ESS2: variants seen among roughly 807,000 people sequenced by gnomAD.
The protein encoded by ESS2 is ess-2 spliceosome associated protein, also known as splicing factor ESS-2 homolog.
A neutral mutation model predicts 52.0 loss-of-function variants in ESS2; 31 were observed. The ratio of observed to expected loss-of-function variants is 0.60; its 90% CI spans 0.45 to 0.81. The LOEUF (loss-of-function observed/expected upper bound fraction) is 0.81. ESS2 is among the 30% of genes least tolerant of loss of function. The pLI, the probability that ESS2 is intolerant of heterozygous loss-of-function variation, is 0.00. For synonymous variants in ESS2, 285 were observed against 259.2 expected (o/e 1.10, Z -0.95); for missense variants, 602 against 637.2 (o/e 0.94, Z 0.59).
intron 8 of ESS2, among the ~76,000 whole-genome samples, chr22:19,136,801 A>C (rs953624793): frequency 4.6e-5 from 7 of 151,998 alleles, no homozygotes; most frequent in African/African-American, 1.4e-4. Context: ...TACCTGTACT[A>C]AGTATTCTGG....
chr22:19,135,145 C>A lies in ESS2; in HGVS notation c.1066G>T (p.Gly356Cys). Residue 356 changes from glycine to cysteine, a missense_variant, in exon 9 of 10, where the codon GGT becomes TGT. Gly to Cys is a radical substitution (Grantham distance 159). Transcript: ENST00000252137. ...ILEPGRRERL[G>C]LKMANEAAAK... ...GCGGCCTCGTTGGCCATCTTCAGAC[C>A]CAGCCGCTCCCTGCGGCCTGGCTCC... 1 of 1,613,910 alleles carries A rather than the reference C, an allele frequency of 6.2e-7. No individual in the cohort carries two copies. Among genetic ancestry groups the A allele is most frequent in the Non-Finnish European group, 8.5e-7 (1 of 1,179,826 alleles).
intron 1 of ESS2, among the ~76,000 whole-genome samples, chr22:19,143,763 G>A (rs545615511): frequency 2.0e-5 from 3 of 152,318 alleles, no homozygotes; most frequent in African/African-American, 7.2e-5. Context: ...GGCTGAGGCA[G>A]GAGAATGGCT....
At chr22:19,139,758 CAG>C (rs1192626378) in intron 4 of ESS2, 29 bp from the exon 5 acceptor site, 1 of 1,613,974 alleles carries the variant, frequency 6.2e-7, no homozygotes, top group South Asian at 1.1e-5. Context: ...AAGTGATGGT[CAG>C]AGATGCCCCT....
chr22:19,130,671 G>T lies in ESS2; in HGVS notation c.*3525C>A. ...TTTTGTCGACCCGAGATGGGTCCTG[G>T]CACTAGGAATGTAAAACCGTTCCTA... On this transcript the variant is annotated 3_prime_UTR_variant, in exon 10 of 10. Transcript: ENST00000252137. 1 of 264,238 alleles carries T rather than the reference G, an allele frequency of 3.8e-6. No homozygotes were observed. 16.4% of individuals were successfully genotyped at this position (264,238 alleles called of 1,614,324 possible). A position where few individuals can be genotyped will look rare whatever the true frequency, so the allele number is the denominator to read the frequency against.
At position 19,131,737 on chromosome 22, in the gene ESS2, C is replaced by T; in HGVS notation, c.*2459G>A. ...CAGGGAGCCCTGCATGAGGACGTGG[C>T]ACGCAAGATGTTCCGACAGCTCTCC... On this transcript the variant is annotated 3_prime_UTR_variant, in exon 10 of 10. Coordinates refer to ENST00000252137, the MANE Select transcript of ESS2 (RefSeq NM_022719.3). The surrounding 1 kb of genome is among the most constrained non-coding windows in gnomAD (Gnocchi z 5.7). 1 of 1,614,108 alleles carries T rather than the reference C, an allele frequency of 6.2e-7. No individual in the cohort carries two copies. The highest frequency in any genetic ancestry group is 8.5e-7 in the Non-Finnish European group (1 of 1,179,978).
chr22:19,139,762 GATGCCCCTGGGCATTGTACCC>G (rs2083651292), intron 4 of ESS2, 33 bp from the exon 5 acceptor site: 1 of 1,613,954 alleles, frequency 6.2e-7, no homozygotes, highest in South Asian at 1.1e-5. Context: ...GATGGTCAGA[GATGCCCCTGGGCATTGTACCC>G]ATGGCCCTGG....
chr22:19,135,278 G>A (rs1569106052), intron 8 of ESS2, 103 bp from the exon 9 acceptor site: 3 of 921,326 alleles, frequency 3.3e-6, no homozygotes, highest in Non-Finnish European at 5.0e-6. Flanking sequence ...TCTCTTTGTT[G>A]CCTACAAAAC....
intron 6 of ESS2, among the ~76,000 whole-genome samples, chr22:19,138,758 C>T (rs1409149178): frequency 6.6e-6 from 1 of 152,214 alleles, no homozygotes; most frequent in Non-Finnish European, 1.5e-5. Context: ...ACTCGTCTTG[C>T]TCCCAGACTC....
At chr22:19,141,257 AG>A (rs2083681542) in intron 3 of ESS2, among the ~76,000 whole-genome samples, 1 of 152,224 alleles carries the variant, frequency 6.6e-6, no homozygotes. Context: ...TAAAGCAAAA[AG>A]TATCATGTTT....
chr22:19,138,361 C>T (rs551181157), intron 6 of ESS2, 44 bp from the exon 7 acceptor site: 10 of 1,569,018 alleles, frequency 6.4e-6, no homozygotes, highest in East Asian at 4.5e-5. Flanking sequence ...CCGCAGCCCA[C>T]GCTCGACAGC....
At chr22:19,144,416 G>A (rs983423209) in intron 1 of ESS2, 90 bp downstream of exon 1, 1 of 1,587,284 alleles carries the variant, frequency 6.3e-7, no homozygotes. Context: ...ACGAGGAGAC[G>A]GAGTGTCAAC....
At position 19,135,149 on chromosome 22, in the gene ESS2, C is replaced by A; in HGVS notation, c.1062G>T (p.Arg354=). The change falls in exon 9 of 10, where the codon CGG becomes CGT. Residue 354 remains arginine (R), a synonymous_variant. Coordinates refer to ENST00000252137, the MANE Select transcript of ESS2 (RefSeq NM_022719.3). The stretch of plus-strand genomic sequence containing the variant: ...CCTCGTTGGCCATCTTCAGACCCAG[C>A]CGCTCCCTGCGGCCTGGCTCCAGGA... ...FKILEPGRRE[R]LGLKMANEAA... 1 of 1,613,772 alleles carries A rather than the reference C, an allele frequency of 6.2e-7. No individual in the cohort carries two copies. The highest frequency in any genetic ancestry group is 8.5e-7 in the Non-Finnish European group (1 of 1,179,780).
rs897666956 is a variant in ESS2 at position 19,132,118 on chromosome 22, A to G, written c.*2078T>C. ...CGTGTGGACTTCCCGCGCTCCAAGA[A>G]CCTGACCTGCGAGTGCAAGGACCTC... On this transcript the variant is annotated 3_prime_UTR_variant, in exon 10 of 10. Transcript: ENST00000252137. This position sits in a 1 kb window ranked among gnomAD's most constrained non-coding sequence, Gnocchi z 4.2. 1.2e-6 allele frequency: 2 copies of G among 1,612,550 alleles called. No individual in the cohort carries two copies.
chr22:19,131,137 G>A lies in ESS2; in HGVS notation c.*3059C>T, dbSNP rs544037622. The stretch of plus-strand genomic sequence containing the variant: ...GGCTTCCTTCCAGCGGGCGGGGAGT[G>A]GGTGCTCCTGCCAGACCAGCCTGGC... On this transcript the variant is annotated 3_prime_UTR_variant, in exon 10 of 10. Transcript: ENST00000252137. This position sits in a 1 kb window ranked among gnomAD's most constrained non-coding sequence, Gnocchi z 5.7. 8.5e-4 allele frequency: 374 copies of A among 441,170 alleles called. No homozygotes were observed. The highest frequency in any genetic ancestry group is 1.2e-3 in the Non-Finnish European group (305 of 246,324). The allele number at this position is 441,170 out of a possible 1,614,324, so 27.3% of individuals were successfully genotyped here. A position where few individuals can be genotyped will look rare whatever the true frequency, so the allele number is the denominator to read the frequency against.
chr22:19,142,342 GC>G (rs1173250046), intron 3 of ESS2, among the ~76,000 whole-genome samples, 195 bp downstream of exon 3: 2 of 152,242 alleles, frequency 1.3e-5, no homozygotes, highest in Non-Finnish European at 2.9e-5. Context: ...ACAGAGGCGA[GC>G]CATGTGTGGG....
chr22:19,139,318 C>T, intron 5 of ESS2, 26 bp from the exon 6 acceptor site: 1 of 1,559,290 alleles, frequency 6.4e-7, no homozygotes, highest in Non-Finnish European at 8.7e-7. Flanking sequence ...AAGGTAGCAG[C>T]AGGTGTCAGA....
chr22:19,137,087 C>G (rs1601349834), intron 8 of ESS2, among the ~76,000 whole-genome samples: 1 of 152,282 alleles, frequency 6.6e-6, no homozygotes, highest in East Asian at 1.9e-4. Context: ...CCTCCAGGAT[C>G]CAGAGGGCCC....
Position 19,134,079 on chromosome 22 carries a change from T to G in ESS2, c.*117A>C. 8.1e-7 allele frequency: 1 copy of G among 1,241,908 alleles called. No individual in the cohort carries two copies. Among genetic ancestry groups the G allele is most frequent in the Non-Finnish European group, 1.0e-6 (1 of 958,536 alleles). 76.9% of individuals were successfully genotyped at this position (1,241,908 alleles called of 1,614,324 possible). A position where few individuals can be genotyped will look rare whatever the true frequency, so the allele number is the denominator to read the frequency against. Reference sequence around the variant, plus strand: ...AGCCCCTTTCTCCAGTGACTCCTGGTATGGTCAACAGCTTCTGGCCCAGGC... The same window carrying G: ...AGCCCCTTTCTCCAGTGACTCCTGGGATGGTCAACAGCTTCTGGCCCAGGC... On this transcript the variant is annotated 3_prime_UTR_variant, in exon 10 of 10. Coordinates refer to ENST00000252137, the MANE Select transcript of ESS2 (RefSeq NM_022719.3).
Position 19,139,295 on chromosome 22 carries a change from G to A in ESS2, c.689-3C>T. ...CAGCTGCTCCTCGTCAGGGACACCTGGCAGACGAAGCAAAGGTAGCAGCAG... is the reference window on the plus strand; with the variant it reads ...CAGCTGCTCCTCGTCAGGGACACCTAGCAGACGAAGCAAAGGTAGCAGCAG... On this transcript the variant is annotated splice_region_variant and splice_polypyrimidine_tract_variant and intron_variant, in intron 5 of 9. Coordinates refer to ENST00000252137, the MANE Select transcript of ESS2 (RefSeq NM_022719.3). The A allele has an allele frequency of 5.0e-6, 8 of 1,584,810 alleles. No individual in the cohort carries two copies. The highest frequency in any genetic ancestry group is 6.0e-6 in the Non-Finnish European group (7 of 1,163,976).
Sources: gnomAD v4.1 joint callset for allele counts (sites outside exome capture counted in the v4.1 genomes callset) on GRCh38, gnomAD v4.1.1 for gene constraint, Gnocchi (gnomAD v3.1) non-coding constraint, MANE v1.5 for transcripts, NCBI Gene and HGNC (gene_info 2026-07-23, HGNC 2026-07-21) for gene names.